Variants in MCU observed in about 807,000 individuals in gnomAD.
MCU encodes calcium uniporter protein, mitochondrial.
MCU carries 12 observed loss-of-function variants against 45.2 expected under a neutral mutation model. That is an observed-to-expected ratio of 0.27 (90% CI 0.17 to 0.43). MCU has a LOEUF of 0.43. Ranked by LOEUF, MCU falls within the 20% of genes least tolerant of loss-of-function variation. The pLI is 1.00. For synonymous variants in MCU, 160 were observed against 165.1 expected (o/e 0.97, Z 0.24); for missense variants, 324 against 436.7 (o/e 0.74, Z 2.30).
chr10:72,783,351 T>C (rs1464988612), intron 1 of MCU, among the ~76,000 whole-genome samples: 1 of 152,266 alleles, frequency 6.6e-6, no homozygotes, highest in African/African-American at 2.4e-5. Context: ...TTTTAGAATA[T>C]TATTGAGGAC....
intron 2 of MCU, among the ~76,000 whole-genome samples, chr10:72,836,009 C>G (rs1417446939): frequency 6.6e-6 from 1 of 152,100 alleles, no homozygotes; most frequent in Non-Finnish European, 1.5e-5. Context: ...CTTGACACTG[C>G]TTGGTCCATT....
intron 1 of MCU, among the ~76,000 whole-genome samples, chr10:72,782,353 C>G (rs1844007563): frequency 6.6e-6 from 1 of 152,012 alleles, no homozygotes; most frequent in Non-Finnish European, 1.5e-5. Context: ...GTACATAATC[C>G]TTAAAATCGT....
chr10:72,783,103 AC>A (rs1340897496), intron 1 of MCU, among the ~76,000 whole-genome samples: 1 of 152,228 alleles, frequency 6.6e-6, no homozygotes, highest in Non-Finnish European at 1.5e-5. Flanking sequence ...ATCAATATTC[AC>A]CCTAAGTACT....
intron 1 of MCU, among the ~76,000 whole-genome samples, chr10:72,782,191 C>T (rs1267333088): frequency 6.6e-6 from 1 of 152,146 alleles, no homozygotes; most frequent in African/African-American, 2.4e-5. Context: ...CCCAATACTC[C>T]TTTGTGGAGT....
At chr10:72,776,679 A>G (rs765309902) in intron 1 of MCU, among the ~76,000 whole-genome samples, 2 of 152,190 alleles carry the variant, frequency 1.3e-5, no homozygotes, top group African/African-American at 2.4e-5. Context: ...GGCTACTTTT[A>G]CCACTGTTAT....
Position 72,885,947 on chromosome 10 carries a change from A to G in MCU, c.*125A>G. The G allele has an allele frequency of 1.5e-6, 1 of 676,172 alleles. No individual in the cohort carries two copies. The highest frequency in any genetic ancestry group is 2.6e-6 in the Non-Finnish European group (1 of 388,848). The allele number at this position is 676,172 out of a possible 1,614,324, so 41.9% of individuals were successfully genotyped here. A position where few individuals can be genotyped will look rare whatever the true frequency, so the allele number is the denominator to read the frequency against. The stretch of plus-strand genomic sequence containing the variant: ...GTTTTTACCTTTAATTATAAAACAA[A>G]AACAGAAAGGATCTGAGGGAAGAAG... On this transcript the variant is annotated 3_prime_UTR_variant, in exon 8 of 8. Coordinates refer to ENST00000373053, the MANE Select transcript of MCU (RefSeq NM_138357.3).
At chr10:72,883,458 T>G (rs1845735622) in intron 6 of MCU, among the ~76,000 whole-genome samples, 1 of 152,154 alleles carries the variant, frequency 6.6e-6, no homozygotes, top group South Asian at 2.1e-4. Flanking sequence ...ACTGGCAATA[T>G]CAAGTATTGG....
At chr10:72,725,425 C>A (rs1231199403) in intron 1 of MCU, among the ~76,000 whole-genome samples, 3 of 114,992 alleles carry the variant, frequency 2.6e-5, no homozygotes, top group African/African-American at 1.0e-4. Flanking sequence ...TGCGCCTGGC[C>A]CACACCTGGC....
intron 1 of MCU, among the ~76,000 whole-genome samples, chr10:72,703,859 C>A (rs1288827639): frequency 6.6e-6 from 1 of 151,782 alleles, no homozygotes; most frequent in African/African-American, 2.4e-5. Flanking sequence ...TCACTGCATT[C>A]CAGTCTGGGC....
chr10:72,737,824 T>A (rs1843272208), intron 1 of MCU, among the ~76,000 whole-genome samples: 1 of 152,070 alleles, frequency 6.6e-6, no homozygotes, highest in Non-Finnish European at 1.5e-5. Flanking sequence ...CCAGCCTATT[T>A]CCCCTTTTTC....
chr10:72,741,029 CTTTT>C (rs1170309353), intron 1 of MCU, among the ~76,000 whole-genome samples: 1 of 150,960 alleles, frequency 6.6e-6, no homozygotes. Context: ...AATTAACAAT[CTTTT>C]TTTCTCAGAT....
chr10:72,868,646 C>T, intron 4 of MCU, 57 bp from the exon 5 acceptor site: 1 of 1,522,270 alleles, frequency 6.6e-7, no homozygotes, highest in Non-Finnish European at 9.0e-7. Context: ...CTGATAGTCC[C>T]AGGAATAGCA....
At chr10:72,816,820 AT>A (rs1398584964) in intron 1 of MCU, among the ~76,000 whole-genome samples, 3 of 152,218 alleles carry the variant, frequency 2.0e-5, no homozygotes, top group Admixed American at 6.5e-5. Flanking sequence ...TTACAAAAGA[AT>A]CTTCTGGACA....
intron 1 of MCU, among the ~76,000 whole-genome samples, chr10:72,733,209 A>G (rs1843202241): frequency 6.6e-6 from 1 of 152,264 alleles, no homozygotes; most frequent in African/African-American, 2.4e-5. Context: ...CTGTAATCCC[A>G]GCACTTTGGG....
intron 1 of MCU, among the ~76,000 whole-genome samples, chr10:72,797,903 A>G (rs1187207938): frequency 5.3e-5 from 8 of 152,148 alleles, no homozygotes; most frequent in Non-Finnish European, 1.2e-4. Flanking sequence ...ATATATATTC[A>G]TAATTGTTCC....
chr10:72,810,994 A>C (rs1589473949), intron 1 of MCU, among the ~76,000 whole-genome samples: 3 of 152,224 alleles, frequency 2.0e-5, no homozygotes, highest in Non-Finnish European at 4.4e-5. Context: ...TATTGAAAAG[A>C]CTTGGTAACT....
chr10:72,692,224 G>A lies in MCU; in HGVS notation c.73G>A (p.Gly25Ser), dbSNP rs746936957. 17 of 1,244,760 alleles carry A rather than the reference G, an allele frequency of 1.4e-5. No individual in the cohort carries two copies. Among genetic ancestry groups the A allele is most frequent in the Non-Finnish European group, 1.6e-5 (16 of 988,846 alleles). 77.1% of individuals were successfully genotyped at this position (1,244,760 alleles called of 1,614,324 possible). A position where few individuals can be genotyped will look rare whatever the true frequency, so the allele number is the denominator to read the frequency against. The change falls in exon 1 of 8, where the codon GGC becomes AGC. Residue 25 changes from glycine to serine, a missense_variant. Coordinates refer to ENST00000373053, the MANE Select transcript of MCU (RefSeq NM_138357.3). ...GGGCGGCGGCGGCGGGGGCGCCGGC[G>A]GCTGCGGGGCGCTGACTGCCGGCTG... ...SRGGGGGGAG[G>S]CGALTAGCFP...
chr10:72,815,007 A>G (rs929006305), intron 1 of MCU, among the ~76,000 whole-genome samples: 1 of 152,260 alleles, frequency 6.6e-6, no homozygotes, highest in Non-Finnish European at 1.5e-5. Flanking sequence ...AATCAGAGAC[A>G]TGGCTAAGAG....
rs145925117 is a variant in MCU at position 72,882,931 on chromosome 10, A to G, written c.862-1335A>G. Among the ~76,000 whole-genome samples the G allele has an allele frequency of 6.5e-3, 993 of 152,250 alleles. 16 individuals are homozygous for G. The highest frequency in any genetic ancestry group is 0.023 in the African/African-American group (938 of 41,542). On this transcript the variant is annotated intron_variant, in intron 6 of 7. Transcript: ENST00000373053. ...CAGCTTTAAAATTTCTCTCTTTTGT[A>G]TTCTGTCCCTTTATTTCTCAAACTG...
Sources: gnomAD v4.1 joint callset for allele counts (sites outside exome capture counted in the v4.1 genomes callset) on GRCh38, gnomAD v4.1.1 for gene constraint, MANE v1.5 for transcripts, NCBI Gene and HGNC (gene_info 2026-07-23, HGNC 2026-07-21) for gene names.